The following INVS variants were observed in gnomAD, a reference collection of about 807,000 sequenced individuals.
INVS encodes the protein inversion of embryo turning homolog.
Under a neutral mutation model 108.8 loss-of-function variants are expected in INVS, and 86 were observed. The ratio of observed to expected loss-of-function variants is 0.79; its 90% CI spans 0.66 to 0.95. The LOEUF is 0.95. Among genes scored for constraint, INVS ranks in the 40% least tolerant of loss-of-function variants. INVS has a pLI of 0.00. For missense variants in INVS, 1,169 were observed against 1,297.4 expected (o/e 0.90, Z 1.52); for synonymous variants, 455 against 473.5 (o/e 0.96, Z 0.51).
At chr9:100,284,188 C>G in intron 12 of INVS, 132 bp from the exon 13 acceptor site, 1 of 1,054,716 alleles carries the variant, frequency 9.5e-7, no homozygotes, top group Non-Finnish European at 1.4e-6. Flanking sequence ...GAAAAGACTG[C>G]TCTTGGAAAA....
In INVS at chr9:100,232,492, C is replaced by T. The variant is rs1268821092; in HGVS notation, c.615+2665C>T. ...AGCATTTTTATGATTTTAGGTCTTA[C>T]GTTTAAGTCTTTAATCCATCTTGAG... On this transcript the variant is annotated intron_variant, in intron 5 of 16. Transcript: ENST00000262457. 2.6e-5 allele frequency among the ~76,000 whole-genome samples: 4 copies of T among 152,102 alleles called. No homozygotes were observed. In the East Asian group the frequency reaches 5.8e-4, roughly 22 times the overall value.
chr9:100,178,892 A>G (rs1446833134), intron 3 of INVS, among the ~76,000 whole-genome samples: 1 of 152,202 alleles, frequency 6.6e-6, no homozygotes, highest in Non-Finnish European at 1.5e-5. Flanking sequence ...CCAGAGAGAA[A>G]GGTCAGGTTA....
Position 100,299,555 on chromosome 9 carries a change from A to AACACAC in INVS, c.3092-983_3092-978dup, listed in dbSNP as rs55800849. Reference sequence around the variant, plus strand: ...TCAGCAGAGCCTTTTATTGACACACAACACACACACACACACACACACACA... The same window carrying AACACAC: ...TCAGCAGAGCCTTTTATTGACACACAACACACACACACACACACACACACACACACA... On this transcript the variant is annotated intron_variant, in intron 16 of 16. Transcript: ENST00000262457. 4.0e-3 allele frequency among the ~76,000 whole-genome samples: 504 copies of AACACAC among 125,674 alleles called. 4 individuals carry two copies. Among genetic ancestry groups the AACACAC allele is most frequent in the African/African-American group, 7.5e-3 (252 of 33,586 alleles). 82.4% of individuals were successfully genotyped at this position (125,674 alleles called of 152,430 possible). A position where few individuals can be genotyped will look rare whatever the true frequency, so the allele number is the denominator to read the frequency against.
chr9:100,110,221 C>T (rs1258489773), intron 2 of INVS, among the ~76,000 whole-genome samples: 1 of 152,108 alleles, frequency 6.6e-6, no homozygotes, highest in Non-Finnish European at 1.5e-5. Flanking sequence ...TTTTATGTGC[C>T]AGCCACTGTA....
At chr9:100,270,520 G>A (rs1041426128) in intron 11 of INVS, among the ~76,000 whole-genome samples, 1 of 151,860 alleles carries the variant, frequency 6.6e-6, no homozygotes. Context: ...CGAGGTGGTC[G>A]GATCACCTGA....
intron 3 of INVS, among the ~76,000 whole-genome samples, chr9:100,137,551 T>G (rs1828267019): frequency 1.4e-5 from 2 of 138,564 alleles, no homozygotes; most frequent in African/African-American, 6.6e-5. Context: ...TTCAAAGACA[T>G]TTGGTACTCT....
intron 2 of INVS, among the ~76,000 whole-genome samples, chr9:100,113,469 C>T (rs896168422): frequency 3.3e-5 from 5 of 152,128 alleles, no homozygotes; most frequent in African/African-American, 1.2e-4. Flanking sequence ...CCAGCGTATC[C>T]AAGATTAAAA....
At chr9:100,252,254 T>G in intron 8 of INVS, 29 bp from the exon 9 acceptor site, 1 of 1,612,280 alleles carries the variant, frequency 6.2e-7, no homozygotes, top group Non-Finnish European at 8.5e-7. Context: ...TATTGACTAG[T>G]TCATCACTTT....
At chr9:100,134,873 T>A (rs1239560226) in intron 3 of INVS, among the ~76,000 whole-genome samples, 1 of 152,234 alleles carries the variant, frequency 6.6e-6, no homozygotes, top group Non-Finnish European at 1.5e-5. Flanking sequence ...TTCAACCACA[T>A]AAGTTAATTT....
chr9:100,109,958 C>T (rs1827292637), intron 2 of INVS, among the ~76,000 whole-genome samples: 1 of 152,222 alleles, frequency 6.6e-6, no homozygotes, highest in African/African-American at 2.4e-5. Context: ...TGAGCCACTG[C>T]GCCCGGCCTC....
intron 3 of INVS, among the ~76,000 whole-genome samples, chr9:100,185,048 A>G (rs140153746): frequency 6.6e-6 from 1 of 152,258 alleles, no homozygotes; most frequent in East Asian, 1.9e-4. Flanking sequence ...TGTTGGTGAA[A>G]AGCTACCAGC....
intron 10 of INVS, among the ~76,000 whole-genome samples, chr9:100,264,606 G>C (rs1260326741): frequency 7.4e-6 from 1 of 134,326 alleles, no homozygotes; most frequent in Admixed American, 7.6e-5. Flanking sequence ...CGACGAGAGC[G>C]AAACTCCGTC....
At chr9:100,227,975 A>G (rs1831383881) in intron 4 of INVS, among the ~76,000 whole-genome samples, 1 of 147,900 alleles carries the variant, frequency 6.8e-6, no homozygotes, top group Non-Finnish European at 1.5e-5. Context: ...CCAAATAAAC[A>G]TTATTTTCTT....
intron 3 of INVS, among the ~76,000 whole-genome samples, chr9:100,162,792 A>C (rs923912259): frequency 2.0e-5 from 3 of 150,972 alleles, no homozygotes; most frequent in East Asian, 1.9e-4. Flanking sequence ...ATGCCACTGC[A>C]CTCCAGCCTG....
intron 3 of INVS, among the ~76,000 whole-genome samples, chr9:100,161,388 A>AAAAAAAAAAAAAAAAAAAAAAC (rs1564138793): frequency 7.2e-6 from 1 of 139,046 alleles, no homozygotes; most frequent in African/African-American, 2.9e-5. Flanking sequence ...AAAAAAAAAA[A>AAAAAAAAAAAAAAAAAAAAAAC]AAAACCTCAT....
At chr9:100,210,072 A>G (rs957844465) in intron 3 of INVS, among the ~76,000 whole-genome samples, 5 of 152,132 alleles carry the variant, frequency 3.3e-5, no homozygotes, top group South Asian at 2.1e-4. Flanking sequence ...GTTTTCTCCA[A>G]TAAGCTTCTA....
At position 100,240,211 on chromosome 9, in the gene INVS, G is replaced by C; in HGVS notation, c.767G>C (p.Arg256Pro). 6.2e-7 allele frequency: 1 copy of C among 1,613,756 alleles called. No individual in the cohort carries two copies. Among genetic ancestry groups the C allele is most frequent in the South Asian group, 1.1e-5 (1 of 91,074 alleles). Reference protein sequence around the residue: ...CNITSYDNLFRTPLHWAALLG... With the variant: ...CNITSYDNLFPTPLHWAALLG... ...ATAACGTCTTATGATAACTTATTTC[G>C]AACCCCACTGCACTGGGCAGCTTTA... Residue 256 changes from arginine (R) to proline (P), a missense_variant, in exon 6 of 17, where the codon CGA (arginine) becomes CCA (proline). Arg to Pro is a moderately radical substitution (Grantham distance 103). Transcript: ENST00000262457.
chr9:100,166,111 G>T (rs984495562), intron 3 of INVS, among the ~76,000 whole-genome samples: 3 of 152,138 alleles, frequency 2.0e-5, no homozygotes, highest in Non-Finnish European at 2.9e-5. Flanking sequence ...AAGAATGATA[G>T]AATATCACAT....
At chr9:100,140,618 A>T (rs890001451) in intron 3 of INVS, among the ~76,000 whole-genome samples, 6 of 152,136 alleles carry the variant, frequency 3.9e-5, no homozygotes, top group African/African-American at 1.4e-4. Flanking sequence ...TAATAAGAAA[A>T]ATAAAACAAA....
Sources: gnomAD v4.1 joint callset for allele counts (sites outside exome capture counted in the v4.1 genomes callset) on GRCh38, gnomAD v4.1.1 for gene constraint, MANE v1.5 for transcripts, NCBI Gene and HGNC (gene_info 2026-07-23, HGNC 2026-07-21) for gene names.